Variants in GPN1 observed in about 807,000 individuals in gnomAD.
GPN1 encodes the protein GPN-loop GTPase 1.
Under a neutral mutation model 55.9 loss-of-function variants are expected in GPN1, and 44 were observed. The observed-to-expected ratio is 0.79, with a 90% confidence interval of 0.62 to 1.01. The LOEUF is 1.01. GPN1 is among the 50% of genes least tolerant of loss of function. The pLI is 0.00. For missense variants in GPN1, 466 were observed against 462.8 expected, an observed-to-expected ratio of 1.01 and a Z score of -0.06; for synonymous variants, 179 against 162.5, an observed-to-expected ratio of 1.10 and a Z score of -0.77.
intron 7 of GPN1, among the ~76,000 whole-genome samples, chr2:27,637,519 C>T (rs1396151151): frequency 6.6e-6 from 1 of 151,868 alleles, no homozygotes; most frequent in Middle Eastern, 3.2e-3. Context: ...GGGGTAGAAA[C>T]ATTTTTAAGA....
Position 27,650,248 on chromosome 2 carries a change from C to A in GPN1, c.*48C>A. On this transcript the variant is annotated 3_prime_UTR_variant, in exon 14 of 14. Transcript: ENST00000610189. ...GTTTCTAGAAGTCCAGAATTTTGGA[C>A]CTCCACGTGAAAGAACTGTTCTTAC... is the stretch of plus-strand genomic sequence containing the variant. 2.7e-6 allele frequency: 3 copies of A among 1,095,014 alleles called. No homozygotes were observed. The highest frequency in any genetic ancestry group is 1.3e-5 in the South Asian group (1 of 78,522). The allele number at this position is 1,095,014 out of a possible 1,614,324, so 67.8% of individuals were successfully genotyped here. A position where few individuals can be genotyped will look rare whatever the true frequency, so the allele number is the denominator to read the frequency against.
chr2:27,639,610 C>T (rs759869662), intron 9 of GPN1, among the ~76,000 whole-genome samples: 4 of 151,996 alleles, frequency 2.6e-5, no homozygotes, highest in South Asian at 2.1e-4. Context: ...GCCTTGACCT[C>T]GTGGTCTCAA....
At chr2:27,642,301 G>A (rs1673988738) in intron 11 of GPN1, 128 bp from the exon 12 acceptor site, 2 of 639,912 alleles carry the variant, frequency 3.1e-6, no homozygotes, top group Admixed American at 2.5e-5. Flanking sequence ...TATACCAGAC[G>A]TCCCTTATCT....
chr2:27,644,375 T>C (rs2148080462), intron 12 of GPN1, among the ~76,000 whole-genome samples: 1 of 152,320 alleles, frequency 6.6e-6, no homozygotes, highest in East Asian at 1.9e-4. Flanking sequence ...TTTAATATTT[T>C]CTCCCTATCA....
chr2:27,647,988 A>T, intron 13 of GPN1, 45 bp downstream of exon 13: 1 of 1,043,654 alleles, frequency 9.6e-7, no homozygotes, highest in Non-Finnish European at 1.5e-6. Context: ...GCATCTGCTT[A>T]TCCTCACATT....
chr2:27,646,727 C>G (rs1289339278), intron 12 of GPN1, among the ~76,000 whole-genome samples: 2 of 151,984 alleles, frequency 1.3e-5, no homozygotes, highest in African/African-American at 4.8e-5. Context: ...TTCTTCTCAT[C>G]AGCAACACTA....
At chr2:27,638,549 A>C (rs1673819554) in intron 8 of GPN1, among the ~76,000 whole-genome samples, 1 of 152,222 alleles carries the variant, frequency 6.6e-6, no homozygotes. Context: ...GTCTACTGGA[A>C]GTGGCAATTA....
At chr2:27,644,563 T>A (rs796932224) in intron 12 of GPN1, among the ~76,000 whole-genome samples, 4 of 152,228 alleles carry the variant, frequency 2.6e-5, no homozygotes, top group African/African-American at 9.6e-5. Flanking sequence ...TAGATTTGTC[T>A]GGTTTTATTT....
upstream of GPN1, chr2:27,628,599 T>C (rs1184303302): frequency 2.6e-6 from 4 of 1,551,482 alleles, no homozygotes; most frequent in Non-Finnish European, 2.6e-6. Context: ...TGCACCCTGC[T>C]CCAGTCCCGG....
chr2:27,648,378 G>C (rs1407201171), intron 13 of GPN1, among the ~76,000 whole-genome samples: 2 of 152,042 alleles, frequency 1.3e-5, no homozygotes, highest in Non-Finnish European at 2.9e-5. Context: ...AAATAGCTGG[G>C]CATGGTTACT....
At chr2:27,633,972 C>T (rs1375453720) in intron 5 of GPN1, among the ~76,000 whole-genome samples, 2 of 151,854 alleles carry the variant, frequency 1.3e-5, no homozygotes, top group Non-Finnish European at 1.5e-5. Context: ...ATTTTCTGTT[C>T]CCTTTAGCCC....
intron 9 of GPN1, among the ~76,000 whole-genome samples, chr2:27,639,499 A>C (rs968106398): frequency 6.6e-6 from 1 of 152,056 alleles, no homozygotes; most frequent in African/African-American, 2.4e-5. Flanking sequence ...TTAATTGTTC[A>C]GTCCTAATTA....
intron 12 of GPN1, among the ~76,000 whole-genome samples, chr2:27,644,706 G>GTTT (rs35012162): frequency 8.1e-6 from 1 of 123,970 alleles, no homozygotes; most frequent in Non-Finnish European, 1.7e-5. Context: ...GCCTTAGTGA[G>GTTT]TTTTTTTTTT....
At chr2:27,636,810 G>C (rs1215418947) in intron 7 of GPN1, among the ~76,000 whole-genome samples, 1 of 152,064 alleles carries the variant, frequency 6.6e-6, no homozygotes, top group Non-Finnish European at 1.5e-5. Flanking sequence ...AAAATTATTT[G>C]ATTTGCCTGA....
chr2:27,638,810 T>C, intron 8 of GPN1, 75 bp from the exon 9 acceptor site: 1 of 1,250,878 alleles, frequency 8.0e-7, no homozygotes, highest in East Asian at 2.3e-5. Context: ...TTCTTTGCTG[T>C]CAACACTTAA....
At chr2:27,640,585 A>G (rs55826602) in intron 10 of GPN1, among the ~76,000 whole-genome samples, 68,551 of 152,138 alleles carry the variant, frequency 0.45, 16,761 homozygotes, top group Non-Finnish European at 0.56. Flanking sequence ...TACAGCACTT[A>G]TCACAATTGC....
chr2:27,646,576 C>G (rs570320974), intron 12 of GPN1, among the ~76,000 whole-genome samples: 3 of 152,226 alleles, frequency 2.0e-5, no homozygotes, highest in Middle Eastern at 3.4e-3. Flanking sequence ...CTTCCACCCC[C>G]ACCCCTGTAT....
At chr2:27,642,958 TACACACACACACACAC>T (rs1553358324) in intron 12 of GPN1, among the ~76,000 whole-genome samples, 2 of 122,610 alleles carry the variant, frequency 1.6e-5, no homozygotes, top group Non-Finnish European at 3.3e-5. Context: ...TATATATATA[TACACACACACACACAC>T]ACACACACAC....
chr2:27,646,900 A>C (rs1674258820), intron 12 of GPN1, among the ~76,000 whole-genome samples: 1 of 152,168 alleles, frequency 6.6e-6, no homozygotes, highest in East Asian at 1.9e-4. Context: ...AGCAAAATAC[A>C]TTTCTATGTG....
Sources: allele counts gnomAD v4.1 joint callset (sites outside exome capture counted in the v4.1 genomes callset), GRCh38; gene constraint gnomAD v4.1.1; transcripts MANE v1.5; gene names NCBI Gene and HGNC (gene_info 2026-07-23, HGNC 2026-07-21).